Variants in EPHA3 observed in about 807,000 individuals in gnomAD.
EPHA3 encodes the protein EPH receptor A3.
A neutral mutation model predicts 107.1 loss-of-function variants in EPHA3; 42 were observed. The ratio of observed to expected loss-of-function variants is 0.39; its 90% CI spans 0.31 to 0.51. The LOEUF is 0.51. EPHA3 is among the 20% of genes least tolerant of loss of function. EPHA3 has a pLI of 0.78. For missense variants in EPHA3, 1,183 were observed against 1,211.2 expected (o/e 0.98, Z 0.35); for synonymous variants, 461 against 424.8 (o/e 1.09, Z -1.05).
chr3:89,410,902 ACTGTATTAAAGGGTGACTCTCCCAT>A (rs1709145305), intron 9 of EPHA3, among the ~76,000 whole-genome samples: 1 of 151,896 alleles, frequency 6.6e-6, no homozygotes, highest in South Asian at 2.1e-4. Context: ...ACAACAGATT[ACTGTATTAAAGGGTGACTCTCCCAT>A]CTGTATTTAT....
chr3:89,331,518 C>T (rs1258524590), intron 3 of EPHA3, among the ~76,000 whole-genome samples: 1 of 151,958 alleles, frequency 6.6e-6, no homozygotes, highest in Non-Finnish European at 1.5e-5. Context: ...TTCTAATTTG[C>T]CAATTTTATA....
chr3:89,437,425 G>GA lies in EPHA3; in HGVS notation c.2346+6076dup, dbSNP rs532123352. 4.6e-3 allele frequency among the ~76,000 whole-genome samples: 670 copies of GA among 145,136 alleles called. 7 individuals carry two copies. The highest frequency in any genetic ancestry group is 5.6e-3 in the African/African-American group (224 of 39,648). On this transcript the variant is annotated intron_variant, in intron 13 of 16. Coordinates refer to ENST00000336596, the MANE Select transcript of EPHA3 (RefSeq NM_005233.6). ...AAATCATCAAAGAAGTTTTGTGTCT[G>GA]AAAAAAAAAACAGAAAAATTAATTC...
chr3:89,387,545 T>C (rs1456155608), intron 5 of EPHA3, among the ~76,000 whole-genome samples: 4 of 152,146 alleles, frequency 2.6e-5, no homozygotes, highest in African/African-American at 9.7e-5. Flanking sequence ...AGCGTGAGAA[T>C]GAACTGATAT....
At chr3:89,335,603 C>T (rs1707375956) in intron 3 of EPHA3, among the ~76,000 whole-genome samples, 1 of 152,086 alleles carries the variant, frequency 6.6e-6, no homozygotes, top group Non-Finnish European at 1.5e-5. Context: ...AAGGTGCTGC[C>T]TTCCATTTTA....
At chr3:89,159,459 G>A (rs761405061) in intron 2 of EPHA3, among the ~76,000 whole-genome samples, 11 of 152,030 alleles carry the variant, frequency 7.2e-5, no homozygotes, top group African/African-American at 1.4e-4. Flanking sequence ...TACCACCACC[G>A]TTAGTCCCTG....
intron 2 of EPHA3, among the ~76,000 whole-genome samples, chr3:89,156,071 G>A (rs1314849280): frequency 6.6e-6 from 1 of 152,068 alleles, no homozygotes. Flanking sequence ...TTTACTGGAG[G>A]CCGTTGGGAA....
chr3:89,117,171 A>G (rs539379978), intron 1 of EPHA3, among the ~76,000 whole-genome samples: 1 of 152,220 alleles, frequency 6.6e-6, no homozygotes, highest in African/African-American at 2.4e-5. Context: ...CATTTTGAGA[A>G]GGTTAATATA....
At chr3:89,123,442 A>G (rs1011306358) in intron 1 of EPHA3, among the ~76,000 whole-genome samples, 3 of 151,990 alleles carry the variant, frequency 2.0e-5, no homozygotes, top group Non-Finnish European at 2.9e-5. Context: ...CGCGCCCGCC[A>G]CTATACTTTG....
At chr3:89,216,470 G>C (rs1015700149) in intron 3 of EPHA3, among the ~76,000 whole-genome samples, 3 of 151,936 alleles carry the variant, frequency 2.0e-5, no homozygotes, top group Non-Finnish European at 4.4e-5. Context: ...AAAAATTATA[G>C]TTCTCCTATC....
chr3:89,261,741 A>G (rs565786522), intron 3 of EPHA3, among the ~76,000 whole-genome samples: 94 of 152,024 alleles, frequency 6.2e-4, no homozygotes, highest in Non-Finnish European at 1.2e-3. Flanking sequence ...ACTCTAGTAT[A>G]TTGTCCTTAA....
intron 3 of EPHA3, among the ~76,000 whole-genome samples, chr3:89,281,284 T>A (rs1454002999): frequency 6.6e-6 from 1 of 152,086 alleles, no homozygotes; most frequent in African/African-American, 2.4e-5. Context: ...CTTGGCCTCC[T>A]AAAGTGCTAG....
At chr3:89,175,579 T>A (rs1382183782) in intron 2 of EPHA3, among the ~76,000 whole-genome samples, 1 of 152,186 alleles carries the variant, frequency 6.6e-6, no homozygotes, top group African/African-American at 2.4e-5. Context: ...ACCAAATTAG[T>A]AAAATTATGT....
At chr3:89,160,265 A>T (rs1704900981) in intron 2 of EPHA3, among the ~76,000 whole-genome samples, 1 of 152,128 alleles carries the variant, frequency 6.6e-6, no homozygotes, top group Non-Finnish European at 1.5e-5. Context: ...TAATAAATAC[A>T]TAAACTGTAT....
At chr3:89,392,549 C>T (rs981538227) in intron 5 of EPHA3, among the ~76,000 whole-genome samples, 1 of 151,704 alleles carries the variant, frequency 6.6e-6, no homozygotes, top group Non-Finnish European at 1.5e-5. Context: ...CTTAATTTTG[C>T]CTGTAGCTCT....
chr3:89,109,577 A>C (rs192489279), intron 1 of EPHA3, among the ~76,000 whole-genome samples: 118 of 152,072 alleles, frequency 7.8e-4, no homozygotes, highest in Non-Finnish European at 7.2e-4. Context: ...AACAACCTTT[A>C]AGTAAACTGC....
chr3:89,114,392 C>T (rs1210242289), intron 1 of EPHA3, among the ~76,000 whole-genome samples: 1 of 152,144 alleles, frequency 6.6e-6, no homozygotes, highest in African/African-American at 2.4e-5. Flanking sequence ...GGTCCAGGCT[C>T]GTTGGTGCAA....
chr3:89,123,179 C>A (rs547190576), intron 1 of EPHA3, among the ~76,000 whole-genome samples: 33 of 152,308 alleles, frequency 2.2e-4, no homozygotes, highest in African/African-American at 7.0e-4. Context: ...TAGTTTCGCT[C>A]TGTTTCCCAG....
chr3:89,253,457 C>G (rs1012802740), intron 3 of EPHA3, among the ~76,000 whole-genome samples: 9 of 152,166 alleles, frequency 5.9e-5, no homozygotes, highest in Admixed American at 3.3e-4. Context: ...TGGCTTAAGG[C>G]AGTCTTTAAG....
At chr3:89,266,543 T>G (rs557978977) in intron 3 of EPHA3, among the ~76,000 whole-genome samples, 1 of 152,184 alleles carries the variant, frequency 6.6e-6, no homozygotes, top group Non-Finnish European at 1.5e-5. Flanking sequence ...AAAAGTCTTC[T>G]GATTTTTTTA....
Sources: allele counts gnomAD v4.1 joint callset (sites outside exome capture counted in the v4.1 genomes callset), GRCh38; gene constraint gnomAD v4.1.1; transcripts MANE v1.5; gene names NCBI Gene and HGNC (gene_info 2026-07-23, HGNC 2026-07-21).